MUC5B: variants seen among roughly 807,000 people sequenced by gnomAD.
The protein encoded by MUC5B is mucin-5B.
A neutral mutation model predicts 376.9 loss-of-function variants in MUC5B; 116 were observed. That is an observed-to-expected ratio of 0.31 (90% CI 0.26 to 0.36). The LOEUF is 0.36. Ranked by LOEUF, MUC5B falls within the 10% of genes least tolerant of loss-of-function variation. MUC5B has a pLI of 1.00. For missense variants in MUC5B, 7,165 were observed against 7,769.9 expected (o/e 0.92, Z 2.93); for synonymous variants, 3,517 against 3,390.9 (o/e 1.04, Z -1.29).
At position 1,233,859 on chromosome 11, in the gene MUC5B, C is replaced by T. The variant is rs1564934423; in HGVS notation, c.2377+11C>T. 2 of 1,568,372 alleles carry T rather than the reference C, an allele frequency of 1.3e-6. No individual in the cohort carries two copies. The highest frequency in any genetic ancestry group is 1.2e-5 in the South Asian group (1 of 86,424). On this transcript the variant is annotated intron_variant, in intron 19 of 48. Coordinates refer to ENST00000529681, the MANE Select transcript of MUC5B (RefSeq NM_002458.3). The stretch of plus-strand genomic sequence containing the variant: ...TGCAGAAAAGCACAGGTAAGTGCCA[C>T]CCCTGCCCTGCCCTGCCCTGCCCCG...
chr11:1,241,576 G>A lies in MUC5B; in HGVS notation c.4696G>A (p.Val1566Met). 1.9e-6 allele frequency: 3 copies of A among 1,612,424 alleles called. No homozygotes were observed. Among genetic ancestry groups the A allele is most frequent in the Non-Finnish European group, 2.5e-6 (3 of 1,179,352 alleles). The change falls in exon 31 of 49, where the codon GTG (valine) becomes ATG (methionine). Residue 1566 changes from valine (V) to methionine (M), a missense_variant. Around this residue, in one of 31 missense-constraint regions of MUC5B, gnomAD observed 25 missense variants for 46.5 expected, o/e 0.54. Transcript: ENST00000529681. ...GACCCTGGCACAGGTGGGGCAGAAG[G>A]TGCACTGTGACGTCCACTTCGGCCT... ...NWTLAQVGQK[V>M]HCDVHFGLVC... is the part of the protein sequence containing the mutation.
intron 27 of MUC5B, 86 bp downstream of exon 27, chr11:1,239,652 T>C (rs1017442613): frequency 4.6e-6 from 7 of 1,507,188 alleles, no homozygotes; most frequent in African/African-American, 4.2e-5. Context: ...AGGGACGCGG[T>C]GTAGGCTCCC....
rs1862103732 is a variant in MUC5B at position 1,234,179 on chromosome 11, C to A, written c.2378-26C>A. ...GGGCCGTGGCTGCCCTTCCCCAGGACCCCTCCCACCAAGCTCTGTCCCCAG... is the reference window on the plus strand; with the variant it reads ...GGGCCGTGGCTGCCCTTCCCCAGGAACCCTCCCACCAAGCTCTGTCCCCAG... On this transcript the variant is annotated intron_variant, in intron 19 of 48. Transcript: ENST00000529681. This position sits in a 1 kb window ranked among gnomAD's most constrained non-coding sequence, Gnocchi z 6.3. 1 of 1,563,862 alleles carries A rather than the reference C, an allele frequency of 6.4e-7. No homozygotes were observed. Among genetic ancestry groups the A allele is most frequent in the Non-Finnish European group, 8.7e-7 (1 of 1,150,262 alleles).
In MUC5B at chr11:1,244,603, C is replaced by G; in HGVS notation, c.7723C>G (p.His2575Asp). The G allele has an allele frequency of 6.2e-7, 1 of 1,613,604 alleles. No individual in the cohort carries two copies. The highest frequency in any genetic ancestry group is 8.5e-7 in the Non-Finnish European group (1 of 1,179,754). ...ACCCTCCTCCACTCCAGAGACTGTCCACACCTCCACAGTGCTTACCACCAC... is the reference window on the plus strand; with the variant it reads ...ACCCTCCTCCACTCCAGAGACTGTCGACACCTCCACAGTGCTTACCACCAC... ...ATPSSTPETVHTSTVLTTTAT... is the reference protein window; with the variant it reads ...ATPSSTPETVDTSTVLTTTAT... The change falls in exon 31 of 49, where the codon CAC becomes GAC. Residue 2575 changes from histidine to aspartate, a missense_variant. This residue lies in a region of MUC5B where 194 missense variants were observed against 268.5 expected (regional missense o/e 0.72). Coordinates refer to ENST00000529681, the MANE Select transcript of MUC5B (RefSeq NM_002458.3).
Position 1,249,744 on chromosome 11 carries a change from A to G in MUC5B, c.12864A>G (p.Thr4288=). ...AAGTGCTGACCAGCCCGGCCACCAC[A>G]CCCACAGCCACCAGTTCCAAAGCCA... is the stretch of plus-strand genomic sequence containing the variant. The part of the protein sequence containing the change: ...PPKVLTSPAT[T]PTATSSKATS... Residue 4288 remains threonine (T), a synonymous_variant, in exon 31 of 49, where the codon ACA becomes ACG. Coordinates refer to ENST00000529681, the MANE Select transcript of MUC5B (RefSeq NM_002458.3). 6.2e-7 allele frequency: 1 copy of G among 1,611,068 alleles called. No homozygotes were observed. Among genetic ancestry groups the G allele is most frequent in the African/African-American group, 1.3e-5 (1 of 74,340 alleles).
rs748893425 is a variant in MUC5B at position 1,255,192 on chromosome 11, C to T, written c.15816C>T (p.Pro5272=). 3.0e-5 allele frequency: 46 copies of T among 1,551,058 alleles called. No individual in the cohort carries two copies. Among genetic ancestry groups the T allele is most frequent in the Non-Finnish European group, 3.5e-5 (40 of 1,147,430 alleles). Residue 5272 remains proline (P), a synonymous_variant, in exon 36 of 49, where the codon CCC becomes CCT. Coordinates refer to ENST00000529681, the MANE Select transcript of MUC5B (RefSeq NM_002458.3). ...CTGGCACACCCCCCACTGCCAGCCC[C>T]GCAGCCCCGGTGTCTAGCACACCCA... ...APTGTPPTAS[P]AAPVSSTPTP...
intron 23 of MUC5B, 187 bp downstream of exon 23, chr11:1,235,600 G>A (rs1196468938): frequency 4.9e-6 from 3 of 611,624 alleles, no homozygotes; most frequent in Non-Finnish European, 8.8e-6. Flanking sequence ...CCTGGAGCCG[G>A]AAGTCAGAGA....
In MUC5B at chr11:1,242,267, T is replaced by C. The variant is rs375361552; in HGVS notation, c.5387T>C (p.Val1796Ala). 9 of 1,613,752 alleles carry C rather than the reference T, an allele frequency of 5.6e-6. No individual in the cohort carries two copies. In the Admixed American group the frequency reaches 6.7e-5, roughly 12 times the overall value. ...PKCEWTEWFD[V>A]DFPTSGVAGG... ...TGTGAGTGGACAGAGTGGTTTGACG[T>C]GGACTTCCCAACCTCAGGGGTTGCA... The change falls in exon 31 of 49, where the codon GTG becomes GCG. Residue 1796 changes from valine to alanine, a missense_variant. Around this residue, in one of 31 missense-constraint regions of MUC5B, gnomAD observed 897 missense variants for 779.6 expected, o/e 1.15. Transcript: ENST00000529681.
At position 1,243,765 on chromosome 11, in the gene MUC5B, C is replaced by G. The variant is rs372480344; in HGVS notation, c.6885C>G (p.Thr2295=). The part of the protein sequence containing the change: ...TATPSKTRTS[T]LLPSSPTSAP... ...CACCCAGCAAGACCCGCACCTCGAC[C>G]CTGCTGCCCAGCAGCCCCACATCGG... Residue 2295 remains threonine, a synonymous_variant, in exon 31 of 49, where the codon ACC becomes ACG. Transcript: ENST00000529681. The G allele has an allele frequency of 1.9e-6, 3 of 1,611,738 alleles. No individual in the cohort carries two copies. Among genetic ancestry groups the G allele is most frequent in the Non-Finnish European group, 2.5e-6 (3 of 1,179,648 alleles).
rs1156394750 is a variant in MUC5B, at chr11:1,234,337, G to A, written c.2478+32G>A. 1 of 1,537,278 alleles carries A rather than the reference G, an allele frequency of 6.5e-7. No individual in the cohort carries two copies. Among genetic ancestry groups the A allele is most frequent in the Non-Finnish European group, 8.9e-7 (1 of 1,125,712 alleles). On this transcript the variant is annotated intron_variant, in intron 20 of 48. Coordinates refer to ENST00000529681, the MANE Select transcript of MUC5B (RefSeq NM_002458.3). The surrounding 1 kb of genome is among the most constrained non-coding windows in gnomAD (Gnocchi z 6.3). Reference sequence around the variant, plus strand: ...TCCATGCTTCAGGGAGGGGTGGGCAGGGAAGGGGTCCCAGCTTTCCCAGCT... The same window carrying A: ...TCCATGCTTCAGGGAGGGGTGGGCAAGGAAGGGGTCCCAGCTTTCCCAGCT...
rs373043651 is a variant in MUC5B at position 1,250,796 on chromosome 11, C to A, written c.13916C>A (p.Pro4639His). Reference sequence around the variant, plus strand: ...ACAACCAGTGGCTCCACGGTGACCCCCTCCTCCATCCCGGGGACCACCCAC... The same window carrying A: ...ACAACCAGTGGCTCCACGGTGACCCACTCCTCCATCCCGGGGACCACCCAC... ...TPTTSGSTVT[P>H]SSIPGTTHTA... Residue 4639 changes from proline to histidine, a missense_variant, in exon 31 of 49, where the codon CCC (proline) becomes CAC (histidine). Physicochemically the swap from Pro to His is moderately conservative, Grantham distance 77. Around this residue, in one of 31 missense-constraint regions of MUC5B, gnomAD observed 730 missense variants for 592.7 expected, o/e 1.23. Transcript: ENST00000529681. 1.9e-6 allele frequency: 3 copies of A among 1,613,374 alleles called. No homozygotes were observed. The highest frequency in any genetic ancestry group is 2.5e-6 in the Non-Finnish European group (3 of 1,179,658).
In MUC5B at chr11:1,257,446, C is replaced by T. The variant is rs1360294747; in HGVS notation, c.16270-84C>T. On this transcript the variant is annotated intron_variant, in intron 40 of 48. Coordinates refer to ENST00000529681, the MANE Select transcript of MUC5B (RefSeq NM_002458.3). This position sits in a 1 kb window ranked among gnomAD's most constrained non-coding sequence, Gnocchi z 8.9. ...ACTCTGGGCCACTCGGGTACCAGCC[C>T]GAGGGAGGGGGTGGCTGGACAGATG... 11 of 1,518,098 alleles carry T rather than the reference C, an allele frequency of 7.2e-6. No homozygotes were observed. Among genetic ancestry groups the T allele is most frequent in the East Asian group, 7.0e-5 (3 of 42,736 alleles). 94.0% of individuals were successfully genotyped at this position (1,518,098 alleles called of 1,614,324 possible). A position where few individuals can be genotyped will look rare whatever the true frequency, so the allele number is the denominator to read the frequency against.
At chr11:1,252,013 T>C (rs1157705364) in intron 31 of MUC5B, among the ~76,000 whole-genome samples, 4 of 94,174 alleles carry the variant, frequency 4.2e-5, no homozygotes, top group Admixed American at 1.1e-4. Context: ...ACATTCGGTC[T>C]CCCCTGGACA....
In MUC5B at chr11:1,223,150, G is replaced by T; in HGVS notation, c.27G>T (p.Thr9=). ...TGGGTGCCCCGAGCGCGTGCCGGAC[G>T]CTGGTGTTGGCTCTGGCGGCCATGC... is the stretch of plus-strand genomic sequence containing the variant. The part of the protein sequence containing the change: MGAPSACR[T]LVLALAAMLV... The change falls in exon 1 of 49, where the codon ACG becomes ACT. Residue 9 remains threonine (T), a synonymous_variant. Coordinates refer to ENST00000529681, the MANE Select transcript of MUC5B (RefSeq NM_002458.3). 1 of 708,120 alleles carries T rather than the reference G, an allele frequency of 1.4e-6. No homozygotes were observed. The allele number at this position is 708,120 out of a possible 1,614,324, so 43.9% of individuals were successfully genotyped here. A position where few individuals can be genotyped will look rare whatever the true frequency, so the allele number is the denominator to read the frequency against.
At chr11:1,252,557 G>A in intron 32 of MUC5B, 33 bp downstream of exon 32, 1 of 1,494,966 alleles carries the variant, frequency 6.7e-7, no homozygotes, top group South Asian at 1.3e-5. Context: ...CTCCCGTGCT[G>A]CGTGCACACG....
rs1161979596 is a variant in MUC5B, at chr11:1,261,395, A to G, written c.17076A>G (p.Ser5692=). 2 of 1,547,540 alleles carry G rather than the reference A, an allele frequency of 1.3e-6. No homozygotes were observed. Among genetic ancestry groups the G allele is most frequent in the Non-Finnish European group, 1.7e-6 (2 of 1,147,702 alleles). ...GGCCACCCTGCGTCCACAGGTACTC[A>G]GCAGAGGCCCAGGCCATGCAGCACC... is the stretch of plus-strand genomic sequence containing the variant. ...EGSCPGASKY[S]AEAQAMQHQC... Residue 5692 remains serine (S), a synonymous_variant, in exon 49 of 49, where the codon TCA becomes TCG. Transcript: ENST00000529681.
rs1347871542 is a variant in MUC5B at position 1,240,177 on chromosome 11, G to GCCTGCA, written c.3782_3787dup (p.Cys1261_Thr1262dup). ...GGTGACTCTGCCGGCTCCATCCCCA[G>GCCTGCA]CCTGCACCTGCACCTATGAGGACAG... is the stretch of plus-strand genomic sequence containing the variant. On this transcript the variant is annotated inframe_insertion and splice_region_variant. Coordinates refer to ENST00000529681, the MANE Select transcript of MUC5B (RefSeq NM_002458.3). 2 of 1,592,980 alleles carry GCCTGCA rather than the reference G, an allele frequency of 1.3e-6. No homozygotes were observed. The highest frequency in any genetic ancestry group is 1.3e-5 in the African/African-American group (1 of 74,538).
At position 1,256,890 on chromosome 11, in the gene MUC5B, C is replaced by A; in HGVS notation, c.16237+119C>A. The A allele has an allele frequency of 1.3e-5, 10 of 762,970 alleles. 1 individual carries two copies. In the South Asian group the frequency reaches 1.9e-4, roughly 15 times the overall value. 47.3% of individuals were successfully genotyped at this position (762,970 alleles called of 1,614,324 possible). On this transcript the variant is annotated intron_variant, in intron 39 of 48. Transcript: ENST00000529681. ...CCCTCTCCCCAGCTGACCCCCGTGA[C>A]CTGTTCTGCCCCACCAGAGCATGGG...
In MUC5B at chr11:1,250,304, C is replaced by A. The variant is rs1862638702; in HGVS notation, c.13424C>A (p.Thr4475Asn). The change falls in exon 31 of 49, where the codon ACT (threonine) becomes AAT (asparagine). Residue 4475 changes from threonine (T) to asparagine (N), a missense_variant. Transcript: ENST00000529681. ...GCCACCGCCTCCTCCACCCAGGCAA[C>A]TGCTGGCACCCCACATGTGAGCACC... ...STATASSTQATAGTPHVSTTA... is the reference protein window; with the variant it reads ...STATASSTQANAGTPHVSTTA... The A allele has an allele frequency of 6.8e-6, 11 of 1,613,360 alleles. No homozygotes were observed. The highest frequency in any genetic ancestry group is 9.3e-6 in the Non-Finnish European group (11 of 1,179,686).
Sources: gnomAD v4.1 joint callset for allele counts (sites outside exome capture counted in the v4.1 genomes callset) on GRCh38, gnomAD v4.1.1 for gene constraint, gnomAD v4.1.1 regional missense constraint, Gnocchi (gnomAD v3.1) non-coding constraint, MANE v1.5 for transcripts, NCBI Gene and HGNC (gene_info 2026-07-23, HGNC 2026-07-21) for gene names.